NAV2: variants seen among roughly 807,000 people sequenced by gnomAD.
NAV2 encodes the protein helicase, APC down-regulated 1.
A neutral mutation model predicts 223.2 loss-of-function variants in NAV2; 54 were observed. That is an observed-to-expected ratio of 0.24 (90% CI 0.19 to 0.30). The LOEUF (loss-of-function observed/expected upper bound fraction) is 0.30. Among genes scored for constraint, NAV2 ranks in the 10% least tolerant of loss-of-function variants. The pLI, the probability that NAV2 is intolerant of heterozygous loss-of-function variation, is 1.00. For synonymous variants in NAV2, 1,279 were observed against 1,239.3 expected (o/e 1.03, Z -0.67); for missense variants, 2,806 against 3,147.5 (o/e 0.89, Z 2.60).
intron 22 of NAV2, among the ~76,000 whole-genome samples, chr11:20,072,497 TA>T (rs2153646167): frequency 6.6e-6 from 1 of 152,362 alleles, no homozygotes; most frequent in Admixed American, 6.5e-5. Flanking sequence ...TTGATGGGGA[TA>T]GCATTGAATC....
chr11:19,864,745 C>A (rs1302073072), intron 3 of NAV2, among the ~76,000 whole-genome samples: 2 of 152,302 alleles, frequency 1.3e-5, no homozygotes, highest in African/African-American at 4.8e-5. Context: ...TGCAGCCTCT[C>A]TCATGGATGT....
intron 6 of NAV2, among the ~76,000 whole-genome samples, chr11:19,917,826 A>G (rs1393906378): frequency 6.6e-6 from 1 of 152,188 alleles, no homozygotes; most frequent in Non-Finnish European, 1.5e-5. Flanking sequence ...TGGCCAAGAC[A>G]AGCTGGTCTC....
At chr11:19,658,970 G>A (rs538993323) in intron 1 of NAV2, among the ~76,000 whole-genome samples, 17 of 152,216 alleles carry the variant, frequency 1.1e-4, no homozygotes, top group Admixed American at 6.5e-4. Flanking sequence ...CAAAACATTC[G>A]ACAAACACAA....
chr11:20,045,645 G>A lies in NAV2; in HGVS notation c.3877G>A (p.Asp1293Asn). 1 of 1,614,102 alleles carries A rather than the reference G, an allele frequency of 6.2e-7. No individual in the cohort carries two copies. The highest frequency in any genetic ancestry group is 8.5e-7 in the Non-Finnish European group (1 of 1,179,974). The change falls in exon 14 of 38, where the codon GAT (aspartate) becomes AAT (asparagine). Residue 1293 changes from aspartate to asparagine, a missense_variant. Around this residue, in one of 4 missense-constraint regions of NAV2, gnomAD observed 742 missense variants for 777.9 expected, o/e 0.95. Transcript: ENST00000349880. ...TCTCCAGCCTGGAGCCAAGTACCCA[G>A]ATGTGGCCTCTCCCACACTCCGCAG... Reference protein sequence around the residue: ...TSLQPGAKYPDVASPTLRRLF... With the variant: ...TSLQPGAKYPNVASPTLRRLF...
chr11:20,113,922 G>A (rs533997719), intron 36 of NAV2, among the ~76,000 whole-genome samples: 9 of 152,320 alleles, frequency 5.9e-5, no homozygotes, highest in African/African-American at 2.2e-4. Flanking sequence ...TGAGGCAGGA[G>A]CATCACTTGA....
intron 1 of NAV2, among the ~76,000 whole-genome samples, chr11:19,566,674 A>C (rs1039347386): frequency 1.3e-5 from 2 of 152,222 alleles, no homozygotes; most frequent in Non-Finnish European, 2.9e-5. Context: ...ATAGAGAGGA[A>C]GATGAGTATG....
intron 1 of NAV2, among the ~76,000 whole-genome samples, chr11:19,595,557 T>C (rs2046183110): frequency 6.6e-6 from 1 of 150,830 alleles, no homozygotes; most frequent in Admixed American, 6.6e-5. Context: ...GCATTCTTTT[T>C]TTATTTTTAT....
intron 3 of NAV2, among the ~76,000 whole-genome samples, chr11:19,859,864 G>GA (rs2061604797): frequency 7.1e-6 from 1 of 141,534 alleles, no homozygotes; most frequent in Non-Finnish European, 1.5e-5. Context: ...TGGCCGGGCG[G>GA]GGGGCTGACC....
chr11:19,623,491 T>C (rs1242838723), intron 1 of NAV2, among the ~76,000 whole-genome samples: 1 of 152,212 alleles, frequency 6.6e-6, no homozygotes, highest in African/African-American at 2.4e-5. Flanking sequence ...TCTAAACTTC[T>C]CTTCTCACTT....
intron 1 of NAV2, among the ~76,000 whole-genome samples, chr11:19,603,355 C>T (rs1015550913): frequency 6.6e-6 from 1 of 152,124 alleles, no homozygotes; most frequent in Non-Finnish European, 1.5e-5. Flanking sequence ...GGGCCAGGCA[C>T]AGTGGCTTAT....
At chr11:20,113,989 C>A (rs2062840669) in intron 36 of NAV2, among the ~76,000 whole-genome samples, 1 of 152,130 alleles carries the variant, frequency 6.6e-6, no homozygotes, top group African/African-American at 2.4e-5. Context: ...CCAGCCTGAG[C>A]AACATTGCAA....
intron 1 of NAV2, among the ~76,000 whole-genome samples, chr11:19,518,981 G>A (rs548144067): frequency 6.6e-6 from 1 of 152,232 alleles, no homozygotes; most frequent in East Asian, 1.9e-4. Flanking sequence ...TGAGATGAGA[G>A]TCTGCCACCC....
Position 20,045,504 on chromosome 11 carries a change from G to C in NAV2, c.3736G>C (p.Val1246Leu). ...TALGSSLPGL[V>L]NQTDKEKGIS... ...CCTAGGCAGCTCTCTACCAGGTCTG[G>C]TCAACCAAACAGACAAGGAGAAAGG... The change falls in exon 14 of 38, where the codon GTC (valine) becomes CTC (leucine). Residue 1246 changes from valine (V) to leucine (L), a missense_variant. Val to Leu is a conservative substitution (Grantham distance 32, BLOSUM62 1). Transcript: ENST00000349880. 6.2e-7 allele frequency: 1 copy of C among 1,614,152 alleles called. No homozygotes were observed. The highest frequency in any genetic ancestry group is 8.5e-7 in the Non-Finnish European group (1 of 1,180,028).
chr11:20,081,791 G>A (rs944904395), intron 25 of NAV2, among the ~76,000 whole-genome samples: 18 of 152,120 alleles, frequency 1.2e-4, no homozygotes, highest in South Asian at 4.2e-4. Flanking sequence ...CCCCTGGAAC[G>A]TATTTTCACA....
chr11:19,459,154 C>G (rs1564952879), intron 1 of NAV2, among the ~76,000 whole-genome samples: 1 of 152,224 alleles, frequency 6.6e-6, no homozygotes, highest in Non-Finnish European at 1.5e-5. Flanking sequence ...AAAGCCCAAT[C>G]TATACAGGCT....
chr11:19,828,124 A>G (rs1280037384), intron 1 of NAV2, among the ~76,000 whole-genome samples: 1 of 152,232 alleles, frequency 6.6e-6, no homozygotes. Flanking sequence ...ACTGCACCCC[A>G]GCCTGGGAGA....
rs79346568 is a variant in NAV2 at position 19,664,986 on chromosome 11, G to T, written c.76-167498G>T. Among the ~76,000 whole-genome samples, 1,402 of 152,294 alleles carry T rather than the reference G, an allele frequency of 9.2e-3. 19 individuals carry two copies. The highest frequency in any genetic ancestry group is 0.032 in the African/African-American group (1,335 of 41,550). On this transcript the variant is annotated intron_variant, in intron 1 of 37. Coordinates refer to the NAV2 transcript ENST00000360655. Reference sequence around the variant, plus strand: ...ACTTGCTCATGTCACACAGCTGATGGGTAAGTAGCAGACCTGGCATTCAGA... The same window carrying T: ...ACTTGCTCATGTCACACAGCTGATGTGTAAGTAGCAGACCTGGCATTCAGA...
At chr11:19,863,672 G>T (rs1476516032) in intron 3 of NAV2, among the ~76,000 whole-genome samples, 8 of 152,166 alleles carry the variant, frequency 5.3e-5, no homozygotes, top group African/African-American at 1.9e-4. Context: ...CCATAGGCTA[G>T]ATTAGGTCTT....
At chr11:19,746,374 GT>G (rs67132676) in intron 1 of NAV2, among the ~76,000 whole-genome samples, 109,357 of 151,372 alleles carry the variant, frequency 0.72, 40,030 homozygotes, top group Middle Eastern at 0.83. Flanking sequence ...GCGTTTGTAT[GT>G]TTTTTTTTAA....
Sources: gnomAD v4.1 joint callset for allele counts (sites outside exome capture counted in the v4.1 genomes callset) on GRCh38, gnomAD v4.1.1 for gene constraint, gnomAD v4.1.1 regional missense constraint, MANE v1.5 for transcripts, NCBI Gene and HGNC (gene_info 2026-07-23, HGNC 2026-07-21) for gene names.